Variants in LARS1 observed in about 807,000 individuals in gnomAD.
LARS1 encodes the protein leucyl-tRNA synthetase 1.
LARS1 carries 100 observed loss-of-function variants against 162.8 expected under a neutral mutation model. That is an observed-to-expected ratio of 0.61 (90% CI 0.52 to 0.73). LARS1 has a LOEUF of 0.73. LARS1 is among the 30% of genes least tolerant of loss of function. LARS1 has a pLI of 0.00. For missense variants in LARS1, 1,258 were observed against 1,408.9 expected (o/e 0.89, Z 1.71); for synonymous variants, 457 against 462.8 (o/e 0.99, Z 0.16).
chr5:146,133,692 CAAAAAAAAAA>C (rs55993097), intron 22 of LARS1, among the ~76,000 whole-genome samples: 1 of 112,312 alleles, frequency 8.9e-6, no homozygotes, highest in African/African-American at 3.5e-5. Flanking sequence ...TATAGGGTTG[CAAAAAAAAAA>C]AAAAAAAAAA....
chr5:146,135,253 G>A (rs1225678394), intron 22 of LARS1, among the ~76,000 whole-genome samples: 1 of 151,546 alleles, frequency 6.6e-6, no homozygotes, highest in African/African-American at 2.4e-5. Context: ...CTGACCTCAG[G>A]TGATACACCC....
rs749789007 is a variant in LARS1 at position 146,129,014 on chromosome 5, T to C, written c.2733A>G (p.Leu911=). The stretch of plus-strand genomic sequence containing the variant: ...CTGGCATCATATAGTTCTTGAGTCG[T>C]AGTCTAAGGTCATGTGTTACTTCCA... ...YLMEVTHDLR[L]RLKNYMMPAK... The change falls in exon 26 of 32, where the codon CTA becomes CTG. Residue 911 remains leucine (L), a synonymous_variant. Coordinates refer to ENST00000394434, the MANE Select transcript of LARS1 (RefSeq NM_020117.11). 1.2e-6 allele frequency: 2 copies of C among 1,605,702 alleles called. No homozygotes were observed. Among genetic ancestry groups the C allele is most frequent in the Non-Finnish European group, 1.7e-6 (2 of 1,177,474 alleles).
chr5:146,125,251 G>A (rs1445469034), intron 28 of LARS1, among the ~76,000 whole-genome samples: 1 of 151,906 alleles, frequency 6.6e-6, no homozygotes, highest in African/African-American at 2.4e-5. Context: ...GATTAGTGTA[G>A]GTCAACACAG....
rs772273222 is a variant in LARS1 at position 146,126,562 on chromosome 5, G to C, written c.2881-17C>G. On this transcript the variant is annotated splice_polypyrimidine_tract_variant and intron_variant, in intron 27 of 31. Transcript: ENST00000394434. ...GTTATTGGCCTAAGAAAAGGAAGGA[G>C]GGAGAGTAATGTAGAAAAAAAAGTC... 1.3e-6 allele frequency: 2 copies of C among 1,558,974 alleles called. No individual in the cohort carries two copies. The highest frequency in any genetic ancestry group is 1.8e-6 in the Non-Finnish European group (2 of 1,130,706).
chr5:146,176,912 G>A (rs1412949419), intron 2 of LARS1, among the ~76,000 whole-genome samples: 4 of 151,702 alleles, frequency 2.6e-5, no homozygotes, highest in African/African-American at 7.3e-5. Flanking sequence ...GAATAATTTC[G>A]TTTTATCAGT....
intron 22 of LARS1, among the ~76,000 whole-genome samples, chr5:146,133,374 T>G (rs1581023089): frequency 6.6e-6 from 1 of 152,230 alleles, no homozygotes; most frequent in African/African-American, 2.4e-5. Context: ...GAGGCAGAGA[T>G]AGAAAATGAT....
At chr5:146,174,503 T>TATATGTATATATATCC (rs1561497990) in intron 2 of LARS1, among the ~76,000 whole-genome samples, 1 of 12,532 alleles carries the variant, frequency 8.0e-5, no homozygotes, top group African/African-American at 4.4e-4. Flanking sequence ...TATATATCCA[T>TATATGTATATATATCC]ATATATATAT....
intron 4 of LARS1, 54 bp downstream of exon 4, chr5:146,171,856 T>C (rs1754295096): frequency 7.7e-7 from 1 of 1,295,076 alleles, no homozygotes; most frequent in African/African-American, 1.5e-5. Context: ...GAATTGGGTA[T>C]TACTATTTGC....
intron 2 of LARS1, among the ~76,000 whole-genome samples, chr5:146,173,150 C>G (rs1051922835): frequency 3.3e-5 from 5 of 152,056 alleles, no homozygotes; most frequent in African/African-American, 1.2e-4. Flanking sequence ...GAGTTCGAGA[C>G]CAGCCTGGGC....
In LARS1 at chr5:146,164,489, A is replaced by G; in HGVS notation, c.433-18T>C. The G allele has an allele frequency of 6.2e-7, 1 of 1,610,906 alleles. No individual in the cohort carries two copies. Among genetic ancestry groups the G allele is most frequent in the Non-Finnish European group, 8.5e-7 (1 of 1,178,746 alleles). On this transcript the variant is annotated intron_variant, in intron 5 of 31. Coordinates refer to ENST00000394434, the MANE Select transcript of LARS1 (RefSeq NM_020117.11). ...GCTTTACTCTGAAAATAATGGAGAA[A>G]AATAAACTCGATCAAAGAATAACCA...
At chr5:146,174,335 C>T (rs535177334) in intron 2 of LARS1, among the ~76,000 whole-genome samples, 100 of 148,984 alleles carry the variant, frequency 6.7e-4, no homozygotes, top group Admixed American at 2.7e-3. Context: ...ATCCCAGCTA[C>T]AGGGGAGGCT....
At chr5:146,170,560 A>G (rs1224929607) in intron 4 of LARS1, among the ~76,000 whole-genome samples, 1 of 152,198 alleles carries the variant, frequency 6.6e-6, no homozygotes, top group African/African-American at 2.4e-5. Flanking sequence ...ATAATATAAC[A>G]TCAATGTTGA....
intron 15 of LARS1, among the ~76,000 whole-genome samples, chr5:146,148,252 T>TC (rs1208059942): frequency 6.6e-6 from 1 of 152,186 alleles, no homozygotes; most frequent in African/African-American, 2.4e-5. Flanking sequence ...CAAAGGGTAT[T>TC]CTTAGCAATA....
chr5:146,144,154 C>T (rs1561812354), intron 18 of LARS1, 113 bp downstream of exon 18: 5 of 747,634 alleles, frequency 6.7e-6, no homozygotes, highest in Non-Finnish European at 1.1e-5. Context: ...AGGAAACTTA[C>T]TGCTTTCAAT....
intron 29 of LARS1, among the ~76,000 whole-genome samples, chr5:146,123,673 G>A (rs1006028699): frequency 6.6e-6 from 1 of 151,712 alleles, no homozygotes; most frequent in Non-Finnish European, 1.5e-5. Context: ...TGAGAGGCTT[G>A]GAAAGCATTT....
At chr5:146,138,945 C>A in intron 21 of LARS1, 1 of 358,204 alleles carries the variant, frequency 2.8e-6, no homozygotes, top group Non-Finnish European at 5.5e-6. Context: ...AATTCCTAAA[C>A]AATCTTCCTG....
intron 5 of LARS1, among the ~76,000 whole-genome samples, chr5:146,166,443 T>C (rs1248574555): frequency 1.3e-5 from 2 of 151,972 alleles, no homozygotes; most frequent in Admixed American, 1.3e-4. Context: ...GGCACAGAGG[T>C]ATAAGCCTAT....
Position 146,171,937 on chromosome 5 carries a change from G to A in LARS1, c.267C>T (p.Gly89=). 6.2e-7 allele frequency: 1 copy of A among 1,613,752 alleles called. No homozygotes were observed. The highest frequency in any genetic ancestry group is 2.2e-5 in the East Asian group (1 of 44,838). Residue 89 remains glycine (G), a synonymous_variant, in exon 4 of 32, where the codon GGC becomes GGT. Coordinates refer to ENST00000394434, the MANE Select transcript of LARS1 (RefSeq NM_020117.11). ...TAATAGGCATTCCAGTACAGTGCAGGCCAAAGGGAAACAGACAACATTTTC... is the reference window on the plus strand; with the variant it reads ...TAATAGGCATTCCAGTACAGTGCAGACCAAAGGGAAACAGACAACATTTTC... The part of the protein sequence containing the change: ...LKGKCCLFPF[G]LHCTGMPIKA...
chr5:146,139,163 G>A (rs1191266699), intron 21 of LARS1, among the ~76,000 whole-genome samples: 2 of 151,448 alleles, frequency 1.3e-5, no homozygotes, highest in Non-Finnish European at 2.9e-5. Flanking sequence ...CCAACATGGC[G>A]AAACCCCATC....
Sources: allele counts gnomAD v4.1 joint callset (sites outside exome capture counted in the v4.1 genomes callset), GRCh38; gene constraint gnomAD v4.1.1; transcripts MANE v1.5; gene names NCBI Gene and HGNC (gene_info 2026-07-23, HGNC 2026-07-21).